KCNQ4: variants seen among roughly 807,000 people sequenced by gnomAD.
The protein encoded by KCNQ4 is potassium voltage-gated channel subfamily KQT member 4.
KCNQ4 carries 31 observed loss-of-function variants against 72.6 expected under a neutral mutation model. The observed-to-expected ratio is 0.43, with a 90% CI of 0.32 to 0.58. KCNQ4 has a LOEUF of 0.58. KCNQ4 is among the 20% of genes least tolerant of loss of function. KCNQ4 has a pLI of 0.08. For synonymous variants in KCNQ4, 405 were observed against 403.7 expected (o/e 1.00, Z -0.04); for missense variants, 869 against 962.6 (o/e 0.90, Z 1.29).
Position 40,817,165 on chromosome 1 carries a change from T to C in KCNQ4, c.315-100T>C. 1 of 894,596 alleles carries C rather than the reference T, an allele frequency of 1.1e-6. No homozygotes were observed. The highest frequency in any genetic ancestry group is 1.8e-6 in the Non-Finnish European group (1 of 545,954). 55.4% of individuals were successfully genotyped at this position (894,596 alleles called of 1,614,324 possible). A position where few individuals can be genotyped will look rare whatever the true frequency, so the allele number is the denominator to read the frequency against. ...TGATTTCCACATAATTTTCTGAAAA[T>C]AATGTTCTCCTCTCTTGGCTCTGTA... is the stretch of plus-strand genomic sequence containing the variant. On this transcript the variant is annotated intron_variant, in intron 1 of 13. Coordinates refer to ENST00000347132, the MANE Select transcript of KCNQ4 (RefSeq NM_004700.4). This position sits in a 1 kb window ranked among gnomAD's most constrained non-coding sequence, Gnocchi z 5.5.
chr1:40,809,907 A>AC (rs1277652940), intron 1 of KCNQ4, among the ~76,000 whole-genome samples: 3 of 152,140 alleles, frequency 2.0e-5, no homozygotes, highest in Admixed American at 6.5e-5. Context: ...TCTACTAAAA[A>AC]TACAAAACTT....
rs1270314037 is a variant in KCNQ4, at chr1:40,825,581, TG to T, written c.1292+1327del. The stretch of plus-strand genomic sequence containing the variant: ...TGGAGAGGGAGAGTCCCTCCAGGTC[TG>T]GGGCTGGAGGGAGGGGAAGCGTGAC... On this transcript the variant is annotated intron_variant, in intron 9 of 13. Coordinates refer to ENST00000347132, the MANE Select transcript of KCNQ4 (RefSeq NM_004700.4). Among the ~76,000 whole-genome samples, 5 of 151,952 alleles carry T rather than the reference TG, an allele frequency of 3.3e-5. 1 individual carries two copies. The highest frequency in any genetic ancestry group is 5.9e-5 in the Non-Finnish European group (4 of 67,938).
Position 40,784,186 on chromosome 1 carries a change from C to A in KCNQ4, c.93C>A (p.Ser31Arg), listed in dbSNP as rs1221693614. 1.2e-5 allele frequency: 14 copies of A among 1,123,862 alleles called. No homozygotes were observed. The African/African-American group carries it at 1.7e-4, about 14-fold the overall frequency. 69.6% of individuals were successfully genotyped at this position (1,123,862 alleles called of 1,614,324 possible). The change falls in exon 1 of 14, where the codon AGC (serine) becomes AGA (arginine). Residue 31 changes from serine to arginine, a missense_variant. By Grantham distance (110) the Ser-to-Arg change is moderately radical. Around this residue, in one of 5 missense-constraint regions of KCNQ4, gnomAD observed 178 missense variants for 145.3 expected, o/e 1.22. Coordinates refer to ENST00000347132, the MANE Select transcript of KCNQ4 (RefSeq NM_004700.4). The surrounding 1 kb of genome is among the most constrained non-coding windows in gnomAD (Gnocchi z 4.1). ...AELVALTAVQ[S>R]EQGEAGGGGS... The stretch of plus-strand genomic sequence containing the variant: ...TAGTGGCGCTCACGGCCGTGCAGAG[C>A]GAACAGGGCGAGGCGGGCGGGGGCG...
At chr1:40,811,291 A>T (rs1463712288) in intron 1 of KCNQ4, among the ~76,000 whole-genome samples, 2 of 152,164 alleles carry the variant, frequency 1.3e-5, no homozygotes, top group Non-Finnish European at 2.9e-5. Context: ...CAGTGACTTG[A>T]GGAGGTATAA....
At chr1:40,787,115 G>C (rs1381133306) in intron 1 of KCNQ4, among the ~76,000 whole-genome samples, 2 of 152,174 alleles carry the variant, frequency 1.3e-5, no homozygotes, top group African/African-American at 4.8e-5. Context: ...TGGGCGGGGC[G>C]CAGTGGCTCT....
chr1:40,798,838 G>C (rs1647489262), intron 1 of KCNQ4, among the ~76,000 whole-genome samples: 1 of 152,258 alleles, frequency 6.6e-6, no homozygotes, highest in African/African-American at 2.4e-5. Context: ...TGGGGGAAGG[G>C]GACCTTGCCA....
chr1:40,795,794 C>T (rs1411745324), intron 1 of KCNQ4, among the ~76,000 whole-genome samples: 3 of 152,160 alleles, frequency 2.0e-5, no homozygotes, highest in Non-Finnish European at 4.4e-5. Context: ...GGCTGGAGAC[C>T]TGGGGAACTC....
chr1:40,806,825 C>T (rs1647777921), intron 1 of KCNQ4, among the ~76,000 whole-genome samples: 1 of 152,204 alleles, frequency 6.6e-6, no homozygotes, highest in Non-Finnish European at 1.5e-5. Flanking sequence ...CAACTTTCCT[C>T]TGTGGTTCTT....
rs1236007519 is a variant in KCNQ4 at position 40,820,203 on chromosome 1, G to T, written c.984G>T (p.Glu328Asp). ...CCGGCTTTGCCCTGAAGGTCCAGGA[G>T]CAGCACCGGCAGAAGCACTTCGAGA... ...LGSGFALKVQ[E>D]QHRQKHFEKR... is the part of the protein sequence containing the mutation. Residue 328 changes from glutamate to aspartate, a missense_variant, in exon 7 of 14, where the codon GAG (glutamate) becomes GAT (aspartate). By Grantham distance (45) the Glu-to-Asp change is conservative. Around this residue, in one of 5 missense-constraint regions of KCNQ4, gnomAD observed 19 missense variants for 26.4 expected, o/e 0.72. Transcript: ENST00000347132. 3 of 1,610,772 alleles carry T rather than the reference G, an allele frequency of 1.9e-6. No individual in the cohort carries two copies. The Admixed American group carries it at 5.0e-5, about 27-fold the overall frequency.
rs1443818222 is a variant in KCNQ4 at position 40,835,076 on chromosome 1, CG to C, written c.1725del (p.Ile576SerfsTer40). 1.2e-5 allele frequency: 19 copies of C among 1,613,722 alleles called. No homozygotes were observed. Among genetic ancestry groups the C allele is most frequent in the Non-Finnish European group, 1.6e-5 (19 of 1,179,850 alleles). On this transcript the variant is annotated frameshift_variant, in exon 12 of 14. Transcript: ENST00000347132. LOFTEE classifies it high-confidence loss of function. The part of the protein sequence containing the change: ...YSAGHLDMLG[R>X]IKSLQTRVDQ... Reference sequence around the variant, plus strand: ...AGCAGGCCACCTGGACATGCTGGGCCGGATCAAGAGCCTGCAAACTCGGTGG... The same window carrying C: ...AGCAGGCCACCTGGACATGCTGGGCCGATCAAGAGCCTGCAAACTCGGTGG...
At chr1:40,832,702 G>A (rs1490865817) in intron 10 of KCNQ4, among the ~76,000 whole-genome samples, 1 of 152,180 alleles carries the variant, frequency 6.6e-6, no homozygotes, top group African/African-American at 2.4e-5. Flanking sequence ...GGAACCAGTG[G>A]GGCTTCCTCC....
chr1:40,806,986 C>G (rs1647784536), intron 1 of KCNQ4, among the ~76,000 whole-genome samples: 1 of 152,184 alleles, frequency 6.6e-6, no homozygotes. Flanking sequence ...GCTCTGCAGT[C>G]TGGGCGCCAC....
rs1410865945 is a variant in KCNQ4 at position 40,822,405 on chromosome 1, A to G, written c.1130+3A>G. ...GACAGTATCCTCCCATCCTTCAGGT[A>G]GGTCCTGCTGGGGGTGGGGGTGGGT... On this transcript the variant is annotated splice_donor_region_variant and intron_variant, in intron 8 of 13. Coordinates refer to ENST00000347132, the MANE Select transcript of KCNQ4 (RefSeq NM_004700.4). The G allele has an allele frequency of 7.6e-6, 4 of 527,620 alleles. No individual in the cohort carries two copies. Among genetic ancestry groups the G allele is most frequent in the Non-Finnish European group, 1.0e-5 (3 of 290,652 alleles). The allele number at this position is 527,620 out of a possible 1,614,324, so 32.7% of individuals were successfully genotyped here.
rs1648934293 is a variant in KCNQ4, at chr1:40,840,153, T to C, written c.*1630T>C. 6.6e-6 allele frequency: 1 copy of C among 152,352 alleles called. No individual in the cohort carries two copies. The highest frequency in any genetic ancestry group is 2.1e-4 in the South Asian group (1 of 4,836). 9.4% of individuals were successfully genotyped at this position (152,352 alleles called of 1,614,324 possible). A position where few individuals can be genotyped will look rare whatever the true frequency, so the allele number is the denominator to read the frequency against. ...CTTGGACTGGATCTTACTCAGTCCA[T>C]GGTGCCCAGCCTCTGCCCCAACATG... is the stretch of plus-strand genomic sequence containing the variant. On this transcript the variant is annotated 3_prime_UTR_variant, in exon 14 of 14. Coordinates refer to ENST00000347132, the MANE Select transcript of KCNQ4 (RefSeq NM_004700.4).
Position 40,816,101 on chromosome 1 carries a change from A to G in KCNQ4, c.315-1164A>G, listed in dbSNP as rs147156269. On this transcript the variant is annotated intron_variant, in intron 1 of 13. Transcript: ENST00000347132. ...GGACGATGAGCAGAGTCTCGCAGGC[A>G]CAGACATGAGGTGTTCTGCGTAGCA... is the stretch of plus-strand genomic sequence containing the variant. Among the ~76,000 whole-genome samples, 392 of 152,260 alleles carry G rather than the reference A, an allele frequency of 2.6e-3. 4 individuals are homozygous for G. Among genetic ancestry groups the G allele is most frequent in the Non-Finnish European group, 2.0e-3 (134 of 68,026 alleles).
chr1:40,784,167 C>T lies in KCNQ4; in HGVS notation c.74C>T (p.Ala25Val). 1 of 1,104,540 alleles carries T rather than the reference C, an allele frequency of 9.1e-7. No homozygotes were observed. Among genetic ancestry groups the T allele is most frequent in the Non-Finnish European group, 1.1e-6 (1 of 899,462 alleles). The allele number at this position is 1,104,540 out of a possible 1,614,324, so 68.4% of individuals were successfully genotyped here. Residue 25 changes from alanine to valine, a missense_variant, in exon 1 of 14, where the codon GCG (alanine) becomes GTG (valine). Ala to Val is a moderately conservative substitution (Grantham distance 64). Coordinates refer to ENST00000347132, the MANE Select transcript of KCNQ4 (RefSeq NM_004700.4). This position sits in a 1 kb window ranked among gnomAD's most constrained non-coding sequence, Gnocchi z 4.1. ...GACGCCCCCCGCGCGGAGCTAGTGG[C>T]GCTCACGGCCGTGCAGAGCGAACAG... ...PGDAPRAELV[A>V]LTAVQSEQGE...
chr1:40,819,418 G>A lies in KCNQ4; in HGVS notation c.780G>A (p.Glu260=). Residue 260 remains glutamate, a synonymous_variant, in exon 5 of 14, where the codon GAG becomes GAA. Coordinates refer to ENST00000347132, the MANE Select transcript of KCNQ4 (RefSeq NM_004700.4). ...IFASFLVYLA[E]KDANSDFSSY... is the part of the protein sequence containing the mutation. ...CCTCCTTCCTGGTCTACCTGGCTGA[G>A]AAGGACGCCAACTCCGACTTCTCCT... 6.2e-7 allele frequency: 1 copy of A among 1,613,954 alleles called. No homozygotes were observed. Among genetic ancestry groups the A allele is most frequent in the African/African-American group, 1.3e-5 (1 of 75,012 alleles).
At position 40,825,811 on chromosome 1, in the gene KCNQ4, T is replaced by C. The variant is rs543720004; in HGVS notation, c.1292+1553T>C. 2.0e-5 allele frequency among the ~76,000 whole-genome samples: 3 copies of C among 152,222 alleles called. No individual in the cohort carries two copies. In the South Asian group the frequency reaches 6.2e-4, roughly 32 times the overall value. ...TCACTCTGGTCTCATTTTGACTGAA[T>C]AGGAAGGCAAGGGGAATGGACATTA... On this transcript the variant is annotated intron_variant, in intron 9 of 13. Coordinates refer to ENST00000347132, the MANE Select transcript of KCNQ4 (RefSeq NM_004700.4).
intron 8 of KCNQ4, among the ~76,000 whole-genome samples, chr1:40,823,699 C>T (rs761265076): frequency 2.6e-5 from 4 of 152,204 alleles, no homozygotes; most frequent in Non-Finnish European, 4.4e-5. Flanking sequence ...GCTGGGCTAG[C>T]CACCCTGTCA....
Sources: gnomAD v4.1 joint callset for allele counts (sites outside exome capture counted in the v4.1 genomes callset) on GRCh38, gnomAD v4.1.1 for gene constraint, gnomAD v4.1.1 regional missense constraint, Gnocchi (gnomAD v3.1) non-coding constraint, MANE v1.5 for transcripts, NCBI Gene and HGNC (gene_info 2026-07-23, HGNC 2026-07-21) for gene names.